Variants in INTS9 observed in about 807,000 individuals in gnomAD.
The protein encoded by INTS9 is integrator complex subunit 9.
A neutral mutation model predicts 79.7 loss-of-function variants in INTS9; 55 were observed. The ratio of observed to expected loss-of-function variants is 0.69; its 90% CI spans 0.56 to 0.86. The LOEUF (loss-of-function observed/expected upper bound fraction) is 0.86. INTS9 is among the 40% of genes least tolerant of loss of function. The pLI, the probability that INTS9 is intolerant of heterozygous loss-of-function variation, is 0.00. For synonymous variants in INTS9, 319 were observed against 325.2 expected, an observed-to-expected ratio of 0.98 and a Z score of 0.20; for missense variants, 721 against 831.5, an observed-to-expected ratio of 0.87 and a Z score of 1.64.
At chr8:28,874,915 T>G (rs950723073) in intron 1 of INTS9, among the ~76,000 whole-genome samples, 1 of 152,212 alleles carries the variant, frequency 6.6e-6, no homozygotes, top group African/African-American at 2.4e-5. Context: ...AAAAGAGGAC[T>G]TACAGTTCCA....
At chr8:28,788,119 T>C (rs1206638794) in intron 10 of INTS9, among the ~76,000 whole-genome samples, 1 of 152,224 alleles carries the variant, frequency 6.6e-6, no homozygotes, top group Non-Finnish European at 1.5e-5. Flanking sequence ...AAACTTGTTA[T>C]TTTGGAATAA....
Position 28,859,500 on chromosome 8 carries a change from T to C in INTS9, c.73A>G (p.Met25Val). 2 of 1,614,156 alleles carry C rather than the reference T, an allele frequency of 1.2e-6. No homozygotes were observed. Among genetic ancestry groups the C allele is most frequent in the African/African-American group, 1.3e-5 (1 of 75,054 alleles). Residue 25 changes from methionine to valine, a missense_variant, in exon 2 of 17, where the codon ATG becomes GTG. By Grantham distance (21) the Met-to-Val change is conservative. This residue lies in a region of INTS9 where 291 missense variants were observed against 307.0 expected (regional missense o/e 0.95). Transcript: ENST00000521022. ...NVLKFKSTTIMLDCGLDMTST... is the reference protein window; with the variant it reads ...NVLKFKSTTIVLDCGLDMTST... The stretch of plus-strand genomic sequence containing the variant: ...GTCATGTCCAGTCCGCAGTCCAACA[T>C]AATGGTGGTTGATTTGAATTTGAGC...
At chr8:28,888,498 T>A (rs1810298297) in intron 1 of INTS9, among the ~76,000 whole-genome samples, 1 of 152,196 alleles carries the variant, frequency 6.6e-6, no homozygotes, top group African/African-American at 2.4e-5. Flanking sequence ...AGCAGCGAGC[T>A]GAGAACGCGC....
At chr8:28,820,582 G>C (rs11998664) in intron 6 of INTS9, among the ~76,000 whole-genome samples, 34,840 of 151,984 alleles carry the variant, frequency 0.23, 4,787 homozygotes, top group East Asian at 0.46. Flanking sequence ...TCCTTCATTT[G>C]AACTTTGGTG....
At chr8:28,771,133 TCTTC>T in intron 14 of INTS9, 53 bp from the exon 15 acceptor site, 1 of 1,172,586 alleles carries the variant, frequency 8.5e-7, no homozygotes, top group Non-Finnish European at 1.3e-6. Context: ...TGACCATTAC[TCTTC>T]CTTTAATCTG....
Position 28,796,614 on chromosome 8 carries a change from A to G in INTS9, c.786T>C (p.Val262=). ...QASLKNSDVL[V]LTGLTQIPTA... Reference sequence around the variant, plus strand: ...TGGGGATCTGGGTAAGCCCTGTCAGAACAAGAACATCGCTGTTTTTGAGAG... The same window carrying G: ...TGGGGATCTGGGTAAGCCCTGTCAGGACAAGAACATCGCTGTTTTTGAGAG... The change falls in exon 9 of 17, where the codon GTT becomes GTC. Residue 262 remains valine (V), a synonymous_variant. Coordinates refer to ENST00000521022, the MANE Select transcript of INTS9 (RefSeq NM_018250.4). The G allele has an allele frequency of 6.2e-7, 1 of 1,614,130 alleles. No individual in the cohort carries two copies.
At chr8:28,875,568 G>A (rs546044440) in intron 1 of INTS9, among the ~76,000 whole-genome samples, 45 of 151,978 alleles carry the variant, frequency 3.0e-4, no homozygotes, top group African/African-American at 9.9e-4. Context: ...GTGTGCCATC[G>A]TGGTTTGCTG....
At chr8:28,773,409 A>C (rs567773570) in intron 14 of INTS9, among the ~76,000 whole-genome samples, 107 of 146,376 alleles carry the variant, frequency 7.3e-4, no homozygotes, top group African/African-American at 2.5e-3. Flanking sequence ...GCTTGCAGTG[A>C]GCCAAGATCG....
chr8:28,850,449 A>T (rs746665498), intron 2 of INTS9, among the ~76,000 whole-genome samples, 176 bp from the exon 3 acceptor site: 122 of 152,222 alleles, frequency 8.0e-4, no homozygotes, highest in Non-Finnish European at 1.0e-3. Flanking sequence ...AAGCTTAAAA[A>T]TTATGTGGCA....
At chr8:28,796,815 GC>G in intron 8 of INTS9, 160 bp from the exon 9 acceptor site, 1 of 581,284 alleles carries the variant, frequency 1.7e-6, no homozygotes, top group Admixed American at 2.6e-5. Context: ...ACCACTGGCT[GC>G]CTAAGTTGGG....
chr8:28,780,278 A>T, intron 12 of INTS9: 1 of 309,822 alleles, frequency 3.2e-6, no homozygotes, highest in Non-Finnish European at 4.6e-6. Context: ...GTCTGTGCAT[A>T]ATTTCCAAGA....
At chr8:28,889,779 T>C (rs1810514880) in intron 1 of INTS9, 95 bp downstream of exon 1, 1 of 1,390,150 alleles carries the variant, frequency 7.2e-7, no homozygotes, top group Non-Finnish European at 1.0e-6. Flanking sequence ...TTGCTACCCC[T>C]CCCGTGCGAC....
At chr8:28,775,700 G>T (rs1016234055) in intron 14 of INTS9, 59 bp downstream of exon 14, 24 of 1,566,560 alleles carry the variant, frequency 1.5e-5, no homozygotes, top group Non-Finnish European at 2.0e-5. Context: ...ACCCCTGCAC[G>T]ATCTCCAAGA....
chr8:28,835,200 T>G, intron 6 of INTS9, 92 bp downstream of exon 6: 1 of 780,848 alleles, frequency 1.3e-6, no homozygotes, highest in East Asian at 2.6e-5. Context: ...AACCAAATCA[T>G]TGTTTAAGCA....
chr8:28,863,205 A>C (rs1405034404), intron 1 of INTS9, among the ~76,000 whole-genome samples: 1 of 152,102 alleles, frequency 6.6e-6, no homozygotes, highest in Non-Finnish European at 1.5e-5. Flanking sequence ...AATAGTTCCC[A>C]TTTTGCTGGT....
chr8:28,777,335 G>A (rs1455776094), intron 13 of INTS9, among the ~76,000 whole-genome samples: 1 of 151,998 alleles, frequency 6.6e-6, no homozygotes, highest in Non-Finnish European at 1.5e-5. Flanking sequence ...TTCCTGCTAC[G>A]CGCGCCTCCT....
chr8:28,824,319 A>T (rs1585418576), intron 6 of INTS9, among the ~76,000 whole-genome samples: 2 of 152,288 alleles, frequency 1.3e-5, no homozygotes, highest in African/African-American at 4.8e-5. Context: ...ATGATTCACC[A>T]ATACATTGAG....
At chr8:28,800,331 G>A (rs1475909530) in intron 8 of INTS9, among the ~76,000 whole-genome samples, 1 of 152,212 alleles carries the variant, frequency 6.6e-6, no homozygotes, top group Non-Finnish European at 1.5e-5. Context: ...GGCATGGGCA[G>A]GGCAAGGCAG....
intron 8 of INTS9, among the ~76,000 whole-genome samples, chr8:28,802,294 A>G (rs895248335): frequency 6.6e-6 from 1 of 152,192 alleles, no homozygotes; most frequent in Non-Finnish European, 1.5e-5. Flanking sequence ...TAAATGTTTT[A>G]TTACTTTTTT....
Sources: allele counts gnomAD v4.1 joint callset (sites outside exome capture counted in the v4.1 genomes callset), GRCh38; gene constraint gnomAD v4.1.1; regional missense constraint gnomAD v4.1.1; transcripts MANE v1.5; gene names NCBI Gene and HGNC (gene_info 2026-07-23, HGNC 2026-07-21).